The following RANBP2 variants were observed in gnomAD, a reference collection of about 807,000 sequenced individuals.
RANBP2 encodes E3 SUMO-protein ligase RanBP2.
A neutral mutation model predicts 303.6 loss-of-function variants in RANBP2; 57 were observed. That is an observed-to-expected ratio of 0.19 (90% CI 0.15 to 0.23). RANBP2 has a LOEUF of 0.23. Ranked by LOEUF, RANBP2 falls within the 10% of genes least tolerant of loss-of-function variation. The pLI is 1.00. For missense variants in RANBP2, 3,138 were observed against 3,780.8 expected, an observed-to-expected ratio of 0.83 and a Z score of 4.46; for synonymous variants, 1,167 against 1,301.5, an observed-to-expected ratio of 0.90 and a Z score of 2.23.
chr2:109,688,637 G>A, the RANBP2 span, among the ~76,000 whole-genome samples: 1 of 151,484 alleles, frequency 6.6e-6, no homozygotes, highest in Non-Finnish European at 1.5e-5. Flanking sequence ...AAATTAGCTG[G>A]GCGTAGTGGC....
the RANBP2 span, among the ~76,000 whole-genome samples, chr2:109,610,536 G>A: frequency 6.6e-6 from 1 of 152,136 alleles, no homozygotes; most frequent in Non-Finnish European, 1.5e-5. Context: ...CCAACATGGA[G>A]AAACCCTGTG....
the RANBP2 span, among the ~76,000 whole-genome samples, chr2:109,299,118 G>A: frequency 6.6e-6 from 1 of 152,134 alleles, no homozygotes; most frequent in Admixed American, 6.5e-5. Context: ...TTGCAGATGA[G>A]GCCCCCTCAG....
chr2:109,169,122 A>T, the RANBP2 span, among the ~76,000 whole-genome samples: 11 of 152,242 alleles, frequency 7.2e-5, no homozygotes, highest in African/African-American at 2.6e-4. Context: ...TTGCTGGTAG[A>T]TTTGTTAGTT....
At chr2:108,869,872 G>T in the RANBP2 span, among the ~76,000 whole-genome samples, 1 of 151,942 alleles carries the variant, frequency 6.6e-6, no homozygotes, top group African/African-American at 2.4e-5. Flanking sequence ...CAGATTTTCA[G>T]CAAAAAAAAT....
At chr2:109,720,337 G>T in the RANBP2 span, among the ~76,000 whole-genome samples, 1 of 151,914 alleles carries the variant, frequency 6.6e-6, no homozygotes. Context: ...GCATCACCGT[G>T]ACAGCCACTA....
chr2:109,032,291 A>AT, the RANBP2 span, among the ~76,000 whole-genome samples: 118 of 151,794 alleles, frequency 7.8e-4, no homozygotes, highest in South Asian at 0.01. Flanking sequence ...CTGCATAGCG[A>AT]TTTTTTTTGT....
the RANBP2 span, among the ~76,000 whole-genome samples, chr2:109,108,289 T>C: frequency 6.6e-6 from 1 of 152,214 alleles, no homozygotes; most frequent in African/African-American, 2.4e-5. Flanking sequence ...TCCGCCTGCC[T>C]CAGCCTCCCA....
chr2:108,897,990 C>T, the RANBP2 span, among the ~76,000 whole-genome samples: 1 of 152,046 alleles, frequency 6.6e-6, no homozygotes, highest in African/African-American at 2.4e-5. Flanking sequence ...AGACATGGGG[C>T]AGAAAAGTCC....
chr2:109,424,500 T>G, the RANBP2 span, among the ~76,000 whole-genome samples: 1 of 152,224 alleles, frequency 6.6e-6, no homozygotes, highest in Non-Finnish European at 1.5e-5. Flanking sequence ...AATTGAAGCT[T>G]CGGGGCAACC....
the RANBP2 span, among the ~76,000 whole-genome samples, chr2:109,692,870 G>C: frequency 1.6e-4 from 24 of 149,038 alleles, no homozygotes; most frequent in African/African-American, 5.9e-4. Flanking sequence ...CCAGGCTGGA[G>C]TGCAATGGTG....
At chr2:108,930,999 C>A in the RANBP2 span, 1 of 1,613,978 alleles carries the variant, frequency 6.2e-7, no homozygotes, top group Non-Finnish European at 8.5e-7. Flanking sequence ...TGCGTGCAGT[C>A]CCCCACATGG....
chr2:109,055,141 A>G, the RANBP2 span, among the ~76,000 whole-genome samples: 1 of 152,148 alleles, frequency 6.6e-6, no homozygotes, highest in East Asian at 1.9e-4. Context: ...CATTTTCACG[A>G]TGACTAATGA....
chr2:109,075,999 C>T, the RANBP2 span, among the ~76,000 whole-genome samples: 10 of 150,710 alleles, frequency 6.6e-5, no homozygotes, highest in Admixed American at 1.3e-4. Context: ...AAGAAAACCA[C>T]ATGCCAATAT....
the RANBP2 span, among the ~76,000 whole-genome samples, chr2:109,731,375 A>C: frequency 6.6e-6 from 1 of 152,024 alleles, no homozygotes; most frequent in African/African-American, 2.4e-5. Flanking sequence ...CAATTCAAAT[A>C]GCTCAATTTT....
chr2:109,046,086 C>T, the RANBP2 span, among the ~76,000 whole-genome samples: 75 of 152,082 alleles, frequency 4.9e-4, no homozygotes, highest in African/African-American at 1.4e-3. Flanking sequence ...GGGCAGATCA[C>T]GAGGTCAGGA....
At chr2:109,606,192 G>A in the RANBP2 span, among the ~76,000 whole-genome samples, 1 of 152,148 alleles carries the variant, frequency 6.6e-6, no homozygotes, top group Non-Finnish European at 1.5e-5. Flanking sequence ...CAAGGAGGGA[G>A]GATTACAAAG....
chr2:109,521,012 G>A, the RANBP2 span, among the ~76,000 whole-genome samples: 8,405 of 150,338 alleles, frequency 0.056, 789 homozygotes, highest in African/African-American at 0.19. Context: ...GGCAGATCAC[G>A]AGGTCAGGAG....
chr2:109,577,312 C>T, the RANBP2 span, among the ~76,000 whole-genome samples: 3 of 152,106 alleles, frequency 2.0e-5, no homozygotes, highest in South Asian at 2.1e-4. Flanking sequence ...AAATAGAGAA[C>T]TCGGCCGGGC....
the RANBP2 span, chr2:108,929,986 C>T: frequency 9.0e-7 from 1 of 1,116,496 alleles, no homozygotes; most frequent in Non-Finnish European, 1.3e-6. Flanking sequence ...ATCTCAACGT[C>T]CAGGGAGCGT....
Sources: gnomAD v4.1 joint callset for allele counts (sites outside exome capture counted in the v4.1 genomes callset) on GRCh38, gnomAD v4.1.1 for gene constraint, MANE v1.5 for transcripts, NCBI Gene and HGNC (gene_info 2026-07-23, HGNC 2026-07-21) for gene names.